The following KDM2A variants were observed in gnomAD, a reference collection of about 807,000 sequenced individuals.
The protein encoded by KDM2A is lysine-specific demethylase 2A.
Under a neutral mutation model 137.3 loss-of-function variants are expected in KDM2A, and 3 were observed. The observed-to-expected ratio is 0.02, with a 90% confidence interval of 0.01 to 0.06. The LOEUF (loss-of-function observed/expected upper bound fraction) is 0.06. KDM2A is among the 10% of genes least tolerant of loss of function. The probability of loss-of-function intolerance (pLI) is 1.00; values close to 1 mark genes in which losing one functional copy is unlikely to be tolerated. For missense variants in KDM2A, 738 were observed against 1,510.6 expected, an observed-to-expected ratio of 0.49 and a Z score of 8.48; for synonymous variants, 512 against 541.5, an observed-to-expected ratio of 0.95 and a Z score of 0.76.
In KDM2A at chr11:67,255,212, G is replaced by T; in HGVS notation, c.*157G>T. 2 of 660,260 alleles carry T rather than the reference G, an allele frequency of 3.0e-6. No individual in the cohort carries two copies. Among genetic ancestry groups the T allele is most frequent in the Non-Finnish European group, 2.6e-6 (1 of 388,116 alleles). 40.9% of individuals were successfully genotyped at this position (660,260 alleles called of 1,614,324 possible). A position where few individuals can be genotyped will look rare whatever the true frequency, so the allele number is the denominator to read the frequency against. ...CCTTCCTCTACAGGTGGGGCAGAGA[G>T]GGTGGTGGACACCAGGCTTATCTGC... On this transcript the variant is annotated 3_prime_UTR_variant, in exon 21 of 21. Transcript: ENST00000529006.
chr11:67,171,298 A>G (rs768393453), intron 2 of KDM2A, among the ~76,000 whole-genome samples: 2 of 152,192 alleles, frequency 1.3e-5, no homozygotes, highest in African/African-American at 2.4e-5. Context: ...GACGAGGCCG[A>G]GTCTGAAATT....
At chr11:67,170,404 C>CTTTT (rs1430692171) in intron 2 of KDM2A, among the ~76,000 whole-genome samples, 1 of 113,762 alleles carries the variant, frequency 8.8e-6, no homozygotes, top group Non-Finnish European at 1.8e-5. Context: ...TTTTTTCTTT[C>CTTTT]TTTCTTTTTT....
chr11:67,233,766 G>T (rs1164391914), intron 12 of KDM2A, among the ~76,000 whole-genome samples: 1 of 151,542 alleles, frequency 6.6e-6, no homozygotes, highest in East Asian at 2.0e-4. Context: ...GAAAGATTTG[G>T]GTTAAATATT....
intron 15 of KDM2A, among the ~76,000 whole-genome samples, chr11:67,247,037 T>TTTTATA (rs1160586326): frequency 1.2e-4 from 4 of 33,078 alleles, no homozygotes; most frequent in Admixed American, 5.1e-4. Context: ...ATAAATTATT[T>TTTTATA]TATATATATA....
At chr11:67,248,251 G>C (rs1180949806) in intron 15 of KDM2A, 30 bp from the exon 16 acceptor site, 4 of 1,486,174 alleles carry the variant, frequency 2.7e-6, no homozygotes, top group Non-Finnish European at 2.8e-6. Context: ...TGAGAGACAG[G>C]CTTTTAAAAA....
At position 67,121,266 on chromosome 11, in the gene KDM2A, A is replaced by C; in HGVS notation, c.-51A>C. ...ATCTGGTTCCTAAGGAGGAAGAGGA[A>C]GGCAGCCCTGGAGTGGTTTCTTTAC... On this transcript the variant is annotated 5_prime_UTR_variant, in exon 2 of 21. Coordinates refer to ENST00000529006, the MANE Select transcript of KDM2A (RefSeq NM_012308.3). 115 of 1,397,656 alleles carry C rather than the reference A, an allele frequency of 8.2e-5. No homozygotes were observed. Among genetic ancestry groups the C allele is most frequent in the Non-Finnish European group, 1.0e-4 (102 of 985,200 alleles). The allele number at this position is 1,397,656 out of a possible 1,614,324, so 86.6% of individuals were successfully genotyped here.
chr11:67,193,646 A>C (rs1050220897), intron 5 of KDM2A, among the ~76,000 whole-genome samples: 5 of 152,130 alleles, frequency 3.3e-5, no homozygotes, highest in Non-Finnish European at 5.9e-5. Context: ...AGATCACCTG[A>C]GGTCGGGAGT....
intron 2 of KDM2A, among the ~76,000 whole-genome samples, chr11:67,168,582 T>TAACACACAC (rs879358615): frequency 2.9e-5 from 1 of 33,984 alleles, no homozygotes; most frequent in African/African-American, 1.3e-4. Context: ...GTATGAATTA[T>TAACACACAC]ACACACACAC....
At position 67,222,048 on chromosome 11, in the gene KDM2A, A is replaced by T. The variant is rs117454425; in HGVS notation, c.957+2645A>T. On this transcript the variant is annotated intron_variant, in intron 10 of 20. Coordinates refer to ENST00000529006, the MANE Select transcript of KDM2A (RefSeq NM_012308.3). ...TTCCATAGTAAAATACTCCTGTTTAACTCTGTCATTCTTTTTTTTTTTTTT... is the reference window on the plus strand; with the variant it reads ...TTCCATAGTAAAATACTCCTGTTTATCTCTGTCATTCTTTTTTTTTTTTTT... 1.0e-3 allele frequency among the ~76,000 whole-genome samples: 154 copies of T among 146,836 alleles called. 2 individuals carry two copies. The East Asian group carries it at 0.027, about 26-fold the overall frequency.
At chr11:67,159,947 T>G (rs879710942) in intron 2 of KDM2A, among the ~76,000 whole-genome samples, 1 of 152,200 alleles carries the variant, frequency 6.6e-6, no homozygotes, top group Non-Finnish European at 1.5e-5. Flanking sequence ...TGGTATTGAT[T>G]GCATAACAAT....
chr11:67,155,561 C>T (rs550981684), intron 2 of KDM2A, among the ~76,000 whole-genome samples: 1 of 152,116 alleles, frequency 6.6e-6, no homozygotes, highest in Non-Finnish European at 1.5e-5. Flanking sequence ...GCCTCAGCCT[C>T]TCAGGTTGCT....
chr11:67,213,246 G>A (rs1218234619), intron 6 of KDM2A, among the ~76,000 whole-genome samples: 2 of 152,178 alleles, frequency 1.3e-5, no homozygotes, highest in African/African-American at 4.8e-5. Flanking sequence ...ATACGTAGAT[G>A]TTGTTACAAA....
chr11:67,181,447 C>T (rs1469215014), intron 4 of KDM2A, 49 bp downstream of exon 4: 8 of 1,236,058 alleles, frequency 6.5e-6, no homozygotes, highest in Non-Finnish European at 9.4e-6. Flanking sequence ...GGCCTCGTTA[C>T]ACCCAGGGCA....
At chr11:67,209,574 G>A (rs1857914972) in intron 6 of KDM2A, among the ~76,000 whole-genome samples, 1 of 151,806 alleles carries the variant, frequency 6.6e-6, no homozygotes, top group South Asian at 2.1e-4. Flanking sequence ...CTCTCAAATA[G>A]CTGGGATTAC....
chr11:67,172,617 TGTG>T (rs1272432302), intron 2 of KDM2A, among the ~76,000 whole-genome samples: 670 of 7,016 alleles, frequency 0.095, 3 homozygotes, highest in African/African-American at 0.15. Context: ...CTCTTATAGT[TGTG>T]TGTGTGTGTG....
chr11:67,230,657 A>G (rs1858682690), intron 11 of KDM2A, among the ~76,000 whole-genome samples: 1 of 152,100 alleles, frequency 6.6e-6, no homozygotes, highest in Non-Finnish European at 1.5e-5. Context: ...AAAAAAAAAA[A>G]ACCCACATAA....
rs527515648 is a variant in KDM2A, at chr11:67,250,026, G to A, written c.2056-60G>A. On this transcript the variant is annotated intron_variant, in intron 16 of 20. Coordinates refer to ENST00000529006, the MANE Select transcript of KDM2A (RefSeq NM_012308.3). The surrounding 1 kb of genome is among the most constrained non-coding windows in gnomAD (Gnocchi z 7.1). ...GAGAGCAAGGGAGGTCCACCCTGTC[G>A]GTTCAGAGGGTTTGGAAGAAAGGAA... 608 of 1,385,998 alleles carry A rather than the reference G, an allele frequency of 4.4e-4. No homozygotes were observed. The highest frequency in any genetic ancestry group is 5.3e-4 in the Non-Finnish European group (543 of 1,018,892). The allele number at this position is 1,385,998 out of a possible 1,614,324, so 85.9% of individuals were successfully genotyped here. A position where few individuals can be genotyped will look rare whatever the true frequency, so the allele number is the denominator to read the frequency against.
chr11:67,173,573 G>A (rs181394424), intron 2 of KDM2A, among the ~76,000 whole-genome samples: 2 of 151,982 alleles, frequency 1.3e-5, no homozygotes, highest in African/African-American at 4.8e-5. Context: ...TGTATTTTTA[G>A]AAGAGACAGG....
intron 5 of KDM2A, among the ~76,000 whole-genome samples, chr11:67,182,241 A>G (rs542605723): frequency 6.6e-6 from 1 of 152,266 alleles, no homozygotes; most frequent in East Asian, 1.9e-4. Context: ...TTCCCCTAAA[A>G]GGAGTAGAGA....
Sources: allele counts gnomAD v4.1 joint callset (sites outside exome capture counted in the v4.1 genomes callset), GRCh38; gene constraint gnomAD v4.1.1; non-coding constraint Gnocchi (gnomAD v3.1); transcripts MANE v1.5; gene names NCBI Gene and HGNC (gene_info 2026-07-23, HGNC 2026-07-21).